GALNT18: variants seen among roughly 807,000 people sequenced by gnomAD.
GALNT18 encodes the protein GalNAc-transferase 18.
A neutral mutation model predicts 69.5 loss-of-function variants in GALNT18; 44 were observed. The ratio of observed to expected loss-of-function variants is 0.63; its 90% CI spans 0.50 to 0.81. GALNT18 has a LOEUF of 0.81. GALNT18 is among the 40% of genes least tolerant of loss of function. GALNT18 has a pLI of 0.00. For synonymous variants in GALNT18, 364 were observed against 318.2 expected (o/e 1.14, Z -1.53); for missense variants, 715 against 810.0 (o/e 0.88, Z 1.42).
chr11:11,407,998 T>C (rs1854631380), intron 3 of GALNT18, among the ~76,000 whole-genome samples: 2 of 152,170 alleles, frequency 1.3e-5, no homozygotes, highest in Non-Finnish European at 2.9e-5. Flanking sequence ...GCCCTCTCCC[T>C]GAGGAGTTTA....
Position 11,603,666 on chromosome 11 carries a change from T to G in GALNT18, c.235+17693A>C, listed in dbSNP as rs1859684235. 6.6e-6 allele frequency among the ~76,000 whole-genome samples: 1 copy of G among 152,146 alleles called. No homozygotes were observed. Among genetic ancestry groups the G allele is most frequent in the Admixed American group, 6.5e-5 (1 of 15,272 alleles). ...TTCCATATTTAAAACTCATTTTCTC[T>G]CCCTAAAAAGATCTATGGATTTTAT... On this transcript the variant is annotated intron_variant, in intron 1 of 10. Coordinates refer to ENST00000227756, the MANE Select transcript of GALNT18 (RefSeq NM_198516.3). This position sits in a 1 kb window ranked among gnomAD's most constrained non-coding sequence, Gnocchi z 4.5.
chr11:11,292,183 A>G (rs1849313281), intron 10 of GALNT18, among the ~76,000 whole-genome samples: 1 of 151,948 alleles, frequency 6.6e-6, no homozygotes, highest in African/African-American at 2.4e-5. Flanking sequence ...CCACAACCCC[A>G]TGGGCTCCCT....
At chr11:11,486,130 A>G (rs1353153207) in intron 1 of GALNT18, among the ~76,000 whole-genome samples, 1 of 152,140 alleles carries the variant, frequency 6.6e-6, no homozygotes, top group Admixed American at 6.5e-5. Context: ...ATTATCTGAA[A>G]TTATGCATAT....
intron 1 of GALNT18, among the ~76,000 whole-genome samples, chr11:11,489,806 T>C (rs1161351566): frequency 6.6e-6 from 1 of 152,212 alleles, no homozygotes; most frequent in Non-Finnish European, 1.5e-5. Flanking sequence ...ATTAATGTTA[T>C]CCTGTTTTAC....
chr11:11,493,212 G>A (rs1490503691), intron 1 of GALNT18, among the ~76,000 whole-genome samples: 1 of 130,752 alleles, frequency 7.6e-6, no homozygotes, highest in Non-Finnish European at 1.5e-5. Context: ...AGTGAGCCAA[G>A]ATCGCGCCAC....
intron 9 of GALNT18, among the ~76,000 whole-genome samples, chr11:11,301,777 G>A (rs1849498904): frequency 6.6e-6 from 1 of 152,200 alleles, no homozygotes; most frequent in South Asian, 2.1e-4. Flanking sequence ...GCCAGGGCTG[G>A]CCTGGGCATT....
At chr11:11,323,610 C>A (rs908401007) in intron 9 of GALNT18, among the ~76,000 whole-genome samples, 1 of 152,200 alleles carries the variant, frequency 6.6e-6, no homozygotes, top group African/African-American at 2.4e-5. Flanking sequence ...AGTGGCAGCC[C>A]TGATGATCCC....
chr11:11,426,702 C>A (rs922884446), intron 3 of GALNT18, among the ~76,000 whole-genome samples: 2 of 151,994 alleles, frequency 1.3e-5, no homozygotes, highest in African/African-American at 4.8e-5. Flanking sequence ...GGAAAAGAAA[C>A]AAGGGGTGGG....
chr11:11,271,212 G>C lies in GALNT18; in HGVS notation c.1756C>G (p.Leu586Val), dbSNP rs775854515. The C allele has an allele frequency of 8.7e-6, 14 of 1,613,996 alleles. No homozygotes were observed. The South Asian group carries it at 1.3e-4, about 15-fold the overall frequency. ...ENSDLEFGFQ[L>V]VLQKCSGQHW... The stretch of plus-strand genomic sequence containing the variant: ...TGGCCCGAGCACTTCTGCAACACCA[G>C]CTGGAAGCCGAACTCCAGGTCGCTA... The change falls in exon 11 of 11, where the codon CTG becomes GTG. Residue 586 changes from leucine to valine, a missense_variant. Physicochemically the swap from Leu to Val is conservative, Grantham distance 32. Coordinates refer to ENST00000227756, the MANE Select transcript of GALNT18 (RefSeq NM_198516.3).
chr11:11,534,147 C>T (rs1857720474), intron 1 of GALNT18, among the ~76,000 whole-genome samples: 1 of 152,202 alleles, frequency 6.6e-6, no homozygotes, highest in Admixed American at 6.5e-5. Flanking sequence ...CTAGGGCAAC[C>T]AGACTTTGGT....
rs1253832003 is a variant in GALNT18, at chr11:11,430,222, GC to G, written c.595+2398del. ...CACTGAACCAGAATCTCCTAGGAGA[GC>G]TTTTTGTTTGTTTTAACTTAATATT... On this transcript the variant is annotated intron_variant, in intron 3 of 10. Coordinates refer to ENST00000227756, the MANE Select transcript of GALNT18 (RefSeq NM_198516.3). This position sits in a 1 kb window ranked among gnomAD's most constrained non-coding sequence, Gnocchi z 4.9. Among the ~76,000 whole-genome samples, 1 of 152,172 alleles carries G rather than the reference GC, an allele frequency of 6.6e-6. No individual in the cohort carries two copies.
chr11:11,512,593 A>T (rs1857186617), intron 1 of GALNT18, among the ~76,000 whole-genome samples: 1 of 152,200 alleles, frequency 6.6e-6, no homozygotes, highest in South Asian at 2.1e-4. Flanking sequence ...TGTGACAGTA[A>T]ATCAGCCATA....
intron 1 of GALNT18, among the ~76,000 whole-genome samples, chr11:11,466,685 T>A (rs1054800858): frequency 6.6e-6 from 1 of 152,202 alleles, no homozygotes; most frequent in Non-Finnish European, 1.5e-5. Flanking sequence ...CTTTGAACCA[T>A]GAAAGCTAAT....
At chr11:11,518,090 A>G (rs1281952925) in intron 1 of GALNT18, among the ~76,000 whole-genome samples, 2 of 152,164 alleles carry the variant, frequency 1.3e-5, no homozygotes, top group Non-Finnish European at 2.9e-5. Context: ...CCAGCAGAAG[A>G]GTGTCATCCT....
At chr11:11,374,400 A>G (rs1850988423) in intron 5 of GALNT18, among the ~76,000 whole-genome samples, 1 of 152,240 alleles carries the variant, frequency 6.6e-6, no homozygotes, top group Non-Finnish European at 1.5e-5. Flanking sequence ...AGGTAAAAAG[A>G]TGCAATTGTG....
chr11:11,443,631 G>A (rs1014399634), intron 2 of GALNT18, among the ~76,000 whole-genome samples: 1 of 151,844 alleles, frequency 6.6e-6, no homozygotes, highest in Admixed American at 6.6e-5. Context: ...GGATGGAGCC[G>A]GGTCCAGCCA....
chr11:11,476,264 C>CA (rs756971521), intron 1 of GALNT18: 1 of 152,120 alleles, frequency 6.6e-6, no homozygotes, highest in Non-Finnish European at 1.5e-5. Context: ...TTAATAACAG[C>CA]ATAGAGAAGT....
chr11:11,293,583 C>T (rs1318228537), intron 9 of GALNT18, among the ~76,000 whole-genome samples: 1 of 138,432 alleles, frequency 7.2e-6, no homozygotes, highest in Non-Finnish European at 1.5e-5. Flanking sequence ...CTCTGTTGCC[C>T]AGCCTGGAGT....
At chr11:11,498,562 G>A (rs1050665224) in intron 1 of GALNT18, among the ~76,000 whole-genome samples, 1 of 152,258 alleles carries the variant, frequency 6.6e-6, no homozygotes, top group Admixed American at 6.5e-5. Flanking sequence ...ACTTTGGGAG[G>A]CCAAGGTGGG....
Sources: allele counts gnomAD v4.1 joint callset (sites outside exome capture counted in the v4.1 genomes callset), GRCh38; gene constraint gnomAD v4.1.1; non-coding constraint Gnocchi (gnomAD v3.1); transcripts MANE v1.5; gene names NCBI Gene and HGNC (gene_info 2026-07-23, HGNC 2026-07-21).